Variants in INTU observed in about 807,000 individuals in gnomAD.
INTU encodes protein inturned.
A neutral mutation model predicts 100.5 loss-of-function variants in INTU; 68 were observed. That is an observed-to-expected ratio of 0.68 (90% CI 0.56 to 0.83). INTU has a LOEUF of 0.83. Among genes scored for constraint, INTU ranks in the 40% least tolerant of loss-of-function variants. The pLI is 0.00. For synonymous variants in INTU, 357 were observed against 395.7 expected, an observed-to-expected ratio of 0.90 and a Z score of 1.16; for missense variants, 1,071 against 1,114.7, an observed-to-expected ratio of 0.96 and a Z score of 0.56.
chr4:127,633,643 T>C (rs906115069), intron 1 of INTU, among the ~76,000 whole-genome samples: 4 of 152,134 alleles, frequency 2.6e-5, no homozygotes, highest in Non-Finnish European at 4.4e-5. Context: ...TGGAAATGAA[T>C]AGCTATATAA....
intron 3 of INTU, among the ~76,000 whole-genome samples, chr4:127,658,317 C>G (rs914652708): frequency 2.6e-5 from 4 of 151,092 alleles, no homozygotes; most frequent in Non-Finnish European, 5.9e-5. Flanking sequence ...GAATGGATAG[C>G]GAGATGGAGA....
chr4:127,680,621 T>A (rs1276058105), intron 6 of INTU, among the ~76,000 whole-genome samples: 2 of 109,756 alleles, frequency 1.8e-5, no homozygotes, highest in East Asian at 5.5e-4. Context: ...AAGAGCTATC[T>A]ATGACAAACC....
intron 8 of INTU, 147 bp from the exon 9 acceptor site, chr4:127,699,863 C>A: frequency 1.9e-6 from 1 of 514,628 alleles, no homozygotes; most frequent in Non-Finnish European, 3.4e-6. Context: ...CAATATGTTC[C>A]ATTTTGAGAC....
chr4:127,688,647 GT>G lies in INTU; in HGVS notation c.1449+782del, dbSNP rs1729946625. On this transcript the variant is annotated intron_variant, in intron 8 of 15. Transcript: ENST00000335251. ...TAAATGCCTTTTTGACAGCTTAATA[GT>G]TATTTAAATTGATGTATCAATCACT... Among the ~76,000 whole-genome samples, 3 of 152,248 alleles carry G rather than the reference GT, an allele frequency of 2.0e-5. No homozygotes were observed. The South Asian group carries it at 6.2e-4, about 32-fold the overall frequency.
At chr4:127,676,599 A>G (rs1312758866) in intron 6 of INTU, among the ~76,000 whole-genome samples, 6 of 147,022 alleles carry the variant, frequency 4.1e-5, no homozygotes, top group Non-Finnish European at 7.4e-5. Flanking sequence ...AAAAAAAAAA[A>G]AGAGAGAGAG....
chr4:127,726,713 A>C lies in INTU; in HGVS notation c.*10277A>C, dbSNP rs934503041. ...TATACTATATTGATAGTTTTAAATA[A>C]AACTGGTTTGGAGGTTTGTTTGCAG... On this transcript the variant is annotated 3_prime_UTR_variant, in exon 16 of 16. Transcript: ENST00000335251. 6.6e-6 allele frequency: 1 copy of C among 152,190 alleles called. No individual in the cohort carries two copies. Among genetic ancestry groups the C allele is most frequent in the Admixed American group, 6.5e-5 (1 of 15,268 alleles). The allele number at this position is 152,190 out of a possible 1,614,324, so 9.4% of individuals were successfully genotyped here. A position where few individuals can be genotyped will look rare whatever the true frequency, so the allele number is the denominator to read the frequency against.
intron 9 of INTU, among the ~76,000 whole-genome samples, chr4:127,701,899 A>G (rs1223656863): frequency 6.6e-6 from 1 of 152,168 alleles, no homozygotes; most frequent in Non-Finnish European, 1.5e-5. Context: ...GTCTTAACAA[A>G]CACCCTAAAC....
chr4:127,645,312 C>T (rs1727526083), intron 2 of INTU, among the ~76,000 whole-genome samples: 1 of 152,066 alleles, frequency 6.6e-6, no homozygotes, highest in Non-Finnish European at 1.5e-5. Flanking sequence ...GGGATACTTG[C>T]CCTTAGAACC....
rs1731308510 is a variant in INTU at position 127,718,999 on chromosome 4, T to C, written c.*2563T>C. ...ATTTCTTTCTCTTGCCTGATTGCCC[T>C]GGCCAGGACTTCCAATACTATGTTG... On this transcript the variant is annotated 3_prime_UTR_variant, in exon 16 of 16. Transcript: ENST00000335251. 1 of 152,202 alleles carries C rather than the reference T, an allele frequency of 6.6e-6. No homozygotes were observed. Among genetic ancestry groups the C allele is most frequent in the Non-Finnish European group, 1.5e-5 (1 of 68,032 alleles). The allele number at this position is 152,202 out of a possible 1,614,324, so 9.4% of individuals were successfully genotyped here.
chr4:127,687,643 T>C (rs1729884203), intron 7 of INTU, 35 bp from the exon 8 acceptor site: 2 of 1,552,664 alleles, frequency 1.3e-6, no homozygotes, highest in African/African-American at 2.7e-5. Flanking sequence ...ACCATTTCCA[T>C]ATGTCGTTCT....
At chr4:127,694,090 T>C (rs1007208202) in intron 8 of INTU, among the ~76,000 whole-genome samples, 1 of 152,120 alleles carries the variant, frequency 6.6e-6, no homozygotes, top group Non-Finnish European at 1.5e-5. Context: ...CTTCATACAA[T>C]GGTTTAGGAA....
At chr4:127,663,354 G>A in intron 3 of INTU, 27 bp from the exon 4 acceptor site, 1 of 1,577,268 alleles carries the variant, frequency 6.3e-7, no homozygotes, top group African/African-American at 1.4e-5. Flanking sequence ...TTGTCGAAAA[G>A]TCAACACATT....
At position 127,674,132 on chromosome 4, in the gene INTU, T is replaced by A; in HGVS notation, c.1100T>A (p.Leu367His). 1 of 1,608,984 alleles carries A rather than the reference T, an allele frequency of 6.2e-7. No individual in the cohort carries two copies. The highest frequency in any genetic ancestry group is 8.5e-7 in the Non-Finnish European group (1 of 1,176,660). ...VTGTQVTSSS[L>H]LLNGKQIHVA... The stretch of plus-strand genomic sequence containing the variant: ...AATATATTGTTTCTTAGTTCATCCC[T>A]CCTTTTAAATGGAAAACAAATTCAT... The change falls in exon 6 of 16, where the codon CTC becomes CAC. Residue 367 changes from leucine to histidine, a missense_variant. Physicochemically the swap from Leu to His is moderately conservative, Grantham distance 99. Transcript: ENST00000335251.
rs770150970 is a variant in INTU at position 127,711,042 on chromosome 4, G to T, written c.2499G>T (p.Lys833Asn). 6.2e-7 allele frequency: 1 copy of T among 1,609,602 alleles called. No homozygotes were observed. The highest frequency in any genetic ancestry group is 8.5e-7 in the Non-Finnish European group (1 of 1,177,032). The change falls in exon 14 of 16, where the codon AAG becomes AAT. Residue 833 changes from lysine to asparagine, a missense_variant. Coordinates refer to ENST00000335251, the MANE Select transcript of INTU (RefSeq NM_015693.4). ...GCTCTATCCACCCTCAGCTAATAAAGAATTTCCATCAGTGTTGTCTTTCCA... is the reference window on the plus strand; with the variant it reads ...GCTCTATCCACCCTCAGCTAATAAATAATTTCCATCAGTGTTGTCTTTCCA... ...LSGSIHPQLI[K>N]NFHQCCLSIR... is the part of the protein sequence containing the mutation.
At chr4:127,708,247 A>G (rs1730966890) in intron 12 of INTU, among the ~76,000 whole-genome samples, 1 of 152,196 alleles carries the variant, frequency 6.6e-6, no homozygotes, top group African/African-American at 2.4e-5. Context: ...TACACAAAGG[A>G]GATACAGAGA....
At chr4:127,644,092 A>G (rs758689586) in intron 2 of INTU, 36 bp downstream of exon 2, 7 of 1,572,450 alleles carry the variant, frequency 4.5e-6, no homozygotes, top group Non-Finnish European at 4.3e-6. Flanking sequence ...CCCTGTTTAC[A>G]GAGATCTTGA....
At chr4:127,710,665 G>C (rs1317720539) in intron 13 of INTU, among the ~76,000 whole-genome samples, 1 of 152,046 alleles carries the variant, frequency 6.6e-6, no homozygotes, top group East Asian at 1.9e-4. Flanking sequence ...AATGAATTGA[G>C]GTTTACTTAT....
intron 3 of INTU, among the ~76,000 whole-genome samples, chr4:127,660,669 A>G (rs2092613271): frequency 6.6e-6 from 1 of 152,324 alleles, no homozygotes; most frequent in African/African-American, 2.4e-5. Flanking sequence ...ACAAAGCAAC[A>G]AGACTTTGGA....
In INTU at chr4:127,684,337, A is replaced by T. The variant is rs374173820; in HGVS notation, c.1182-72A>T. On this transcript the variant is annotated intron_variant, in intron 6 of 15. Transcript: ENST00000335251. Reference sequence around the variant, plus strand: ...CATTCCGTATGTGTAAAATTCAAGGATGATCTACTTCTTTTAGATAAATGT... The same window carrying T: ...CATTCCGTATGTGTAAAATTCAAGGTTGATCTACTTCTTTTAGATAAATGT... The T allele has an allele frequency of 2.4e-5, 20 of 822,410 alleles. 1 individual carries two copies. The South Asian group carries it at 2.9e-4, about 12-fold the overall frequency. 50.9% of individuals were successfully genotyped at this position (822,410 alleles called of 1,614,324 possible). A position where few individuals can be genotyped will look rare whatever the true frequency, so the allele number is the denominator to read the frequency against.
Sources: gnomAD v4.1 joint callset for allele counts (sites outside exome capture counted in the v4.1 genomes callset) on GRCh38, gnomAD v4.1.1 for gene constraint, MANE v1.5 for transcripts, NCBI Gene and HGNC (gene_info 2026-07-23, HGNC 2026-07-21) for gene names.